The following ALDH1L1 variants were observed in gnomAD, a reference collection of about 807,000 sequenced individuals.
ALDH1L1 encodes the protein aldehyde dehydrogenase 1 family member L1.
ALDH1L1 carries 68 observed loss-of-function variants against 101.1 expected under a neutral mutation model. The ratio of observed to expected loss-of-function variants is 0.67; its 90% confidence interval spans 0.55 to 0.82. The LOEUF is 0.82. Ranked by LOEUF, ALDH1L1 falls within the 40% of genes least tolerant of loss-of-function variation. ALDH1L1 has a pLI of 0.00. For missense variants in ALDH1L1, 1,087 were observed against 1,172.7 expected (o/e 0.93, Z 1.07); for synonymous variants, 486 against 470.8 (o/e 1.03, Z -0.42).
rs1559917506 is a variant in ALDH1L1, at chr3:126,112,831, C to G, written c.2132G>C (p.Gly711Ala). ...FNKGENCIAA[G>A]RLFVEDSIHD... is the part of the protein sequence containing the mutation. ...AATGGAGTCCTCCACAAAGAGTCGGCCTGCTGCAATGCAATTCTCTCCTTT... is the reference window on the plus strand; with the variant it reads ...AATGGAGTCCTCCACAAAGAGTCGGGCTGCTGCAATGCAATTCTCTCCTTT... The change falls in exon 19 of 23, where the codon GGC (glycine) becomes GCC (alanine). Residue 711 changes from glycine to alanine, a missense_variant. Around this residue, in one of 2 missense-constraint regions of ALDH1L1, gnomAD observed 442 missense variants for 535.7 expected, o/e 0.83. Coordinates refer to ENST00000393434, the MANE Select transcript of ALDH1L1 (RefSeq NM_012190.4). 2 of 1,613,652 alleles carry G rather than the reference C, an allele frequency of 1.2e-6. No homozygotes were observed. The highest frequency in any genetic ancestry group is 2.2e-5 in the East Asian group (1 of 44,880).
chr3:126,184,724 G>A (rs558037075), upstream of ALDH1L1, among the ~76,000 whole-genome samples: 1 of 152,328 alleles, frequency 6.6e-6, no homozygotes, highest in Non-Finnish European at 1.5e-5. Flanking sequence ...GATAGACATG[G>A]GTTCTCTTTC....
chr3:126,160,280 G>A (rs965449045), intron 2 of ALDH1L1: 1 of 152,716 alleles, frequency 6.5e-6, no homozygotes, highest in African/African-American at 2.4e-5. Context: ...TTTACAAAAT[G>A]CCAGGGGAGA....
At chr3:126,125,772 A>T in intron 14 of ALDH1L1, 51 bp from the exon 15 acceptor site, 1 of 1,325,170 alleles carries the variant, frequency 7.5e-7, no homozygotes, top group Non-Finnish European at 1.0e-6. Flanking sequence ...CCAGGCCCAC[A>T]GTGGACCTGC....
chr3:126,137,003 T>A (rs544817902), intron 10 of ALDH1L1, 120 bp from the exon 11 acceptor site: 6 of 1,403,990 alleles, frequency 4.3e-6, no homozygotes, highest in African/African-American at 2.9e-5. Flanking sequence ...CAGAGCTGCA[T>A]GTAGGCAACA....
chr3:126,154,022 C>T (rs1409877281), intron 6 of ALDH1L1, among the ~76,000 whole-genome samples: 8 of 152,308 alleles, frequency 5.3e-5, no homozygotes, highest in East Asian at 1.9e-4. Flanking sequence ...TCTGGGCAGT[C>T]GGCTGGGGGT....
intron 6 of ALDH1L1, among the ~76,000 whole-genome samples, chr3:126,154,243 T>C (rs1016281477): frequency 1.1e-4 from 16 of 152,174 alleles, no homozygotes; most frequent in African/African-American, 3.9e-4. Flanking sequence ...GAGTGAGTAC[T>C]GGGCCTGGGG....
intron 16 of ALDH1L1, among the ~76,000 whole-genome samples, chr3:126,122,594 A>G (rs566936428): frequency 6.6e-6 from 1 of 152,308 alleles, no homozygotes; most frequent in East Asian, 1.9e-4. Context: ...TGTAAAATTA[A>G]GTAATATATA....
chr3:126,170,609 A>C (rs191736973), intron 1 of ALDH1L1, among the ~76,000 whole-genome samples: 55 of 152,222 alleles, frequency 3.6e-4, no homozygotes, highest in Middle Eastern at 3.4e-3. Context: ...TTGATCCTAC[A>C]GTCAATCTAA....
intron 1 of ALDH1L1, among the ~76,000 whole-genome samples, chr3:126,173,388 T>G (rs1433943253): frequency 1.3e-5 from 2 of 152,136 alleles, no homozygotes; most frequent in Non-Finnish European, 2.9e-5. Flanking sequence ...AAAGCAGACT[T>G]AAATTAGATT....
At position 126,191,114 on chromosome 3, in the gene ALDH1L1, G is replaced by A. The variant is rs113504382; in HGVS notation, c.-24+6621C>T. Reference sequence around the variant, plus strand: ...AGCAGCATGCTAGACCACTGATTGAGATACCACACTCACACTGTAATCAGC... The same window carrying A: ...AGCAGCATGCTAGACCACTGATTGAAATACCACACTCACACTGTAATCAGC... On this transcript the variant is annotated intron_variant, in intron 1 of 2. Transcript: ENST00000509952. Among the ~76,000 whole-genome samples, 564 of 152,328 alleles carry A rather than the reference G, an allele frequency of 3.7e-3. 2 individuals carry two copies. The highest frequency in any genetic ancestry group is 0.012 in the African/African-American group (519 of 41,574).
chr3:126,141,327 CAAGAGAAT>C (rs2080563586), intron 9 of ALDH1L1, among the ~76,000 whole-genome samples: 1 of 151,976 alleles, frequency 6.6e-6, no homozygotes, highest in Admixed American at 6.5e-5. Context: ...GGATAGAACT[CAAGAGAAT>C]AAGATACTTG....
chr3:126,131,452 G>A lies in ALDH1L1; in HGVS notation c.1555C>T (p.Leu519=), dbSNP rs1164757367. Residue 519 remains leucine, a synonymous_variant, in exon 13 of 23, where the codon CTG becomes TTG. Transcript: ENST00000393434. ...LDAGAVYTLA[L]KTHVGMSIQT... The stretch of plus-strand genomic sequence containing the variant: ...ATGGACATGCCCACGTGGGTCTTCA[G>A]GGCCAGCGTGTAGACGGCACCCGCA... 3.1e-6 allele frequency: 5 copies of A among 1,613,546 alleles called. No homozygotes were observed. The highest frequency in any genetic ancestry group is 4.2e-6 in the Non-Finnish European group (5 of 1,179,510).
Position 126,178,939 on chromosome 3 carries a change from G to GAAA in ALDH1L1, c.-24+1534_-24+1536dup, listed in dbSNP as rs72451047. 2.5e-3 allele frequency among the ~76,000 whole-genome samples: 366 copies of GAAA among 147,388 alleles called. 1 individual carries two copies. The highest frequency in any genetic ancestry group is 7.0e-3 in the African/African-American group (284 of 40,514). ...TTTTATATTGTACATGATTACTTCT[G>GAAA]AAAAAAAAAAATAAAAGAGTATGTC... is the stretch of plus-strand genomic sequence containing the variant. On this transcript the variant is annotated intron_variant, in intron 1 of 22. Coordinates refer to ENST00000393434, the MANE Select transcript of ALDH1L1 (RefSeq NM_012190.4).
chr3:126,177,110 TG>T (rs533439035), intron 1 of ALDH1L1, among the ~76,000 whole-genome samples: 47 of 152,300 alleles, frequency 3.1e-4, no homozygotes, highest in Non-Finnish European at 5.7e-4. Flanking sequence ...CTGGTAGAAA[TG>T]AAAAATTATG....
At chr3:126,126,234 G>T (rs1476714011) in intron 14 of ALDH1L1, among the ~76,000 whole-genome samples, 1 of 152,150 alleles carries the variant, frequency 6.6e-6, no homozygotes, top group Non-Finnish European at 1.5e-5. Flanking sequence ...GCCACCCTGG[G>T]TTCTAGAGCG....
intron 17 of ALDH1L1, among the ~76,000 whole-genome samples, chr3:126,115,957 C>T (rs979417711): frequency 6.6e-6 from 1 of 151,774 alleles, no homozygotes; most frequent in Non-Finnish European, 1.5e-5. Flanking sequence ...ACTGTAACCT[C>T]CGCCTTCCGG....
chr3:126,149,938 G>A (rs952526156), intron 8 of ALDH1L1, among the ~76,000 whole-genome samples: 2 of 152,194 alleles, frequency 1.3e-5, no homozygotes, highest in Admixed American at 1.3e-4. Flanking sequence ...TGAGAAGACT[G>A]AGTCTTAGAG....
intron 1 of ALDH1L1, among the ~76,000 whole-genome samples, chr3:126,176,508 A>G (rs375851388): frequency 1.8e-4 from 27 of 152,320 alleles, no homozygotes; most frequent in African/African-American, 6.5e-4. Flanking sequence ...CAGAATAGAG[A>G]GCCCAGAAGT....
intron 7 of ALDH1L1, chr3:126,150,748 C>A: frequency 2.4e-6 from 1 of 421,668 alleles, no homozygotes; most frequent in South Asian, 2.1e-5. Flanking sequence ...TTAGTAGAGA[C>A]GGGGTTTCAC....
Sources: allele counts gnomAD v4.1 joint callset (sites outside exome capture counted in the v4.1 genomes callset), GRCh38; gene constraint gnomAD v4.1.1; regional missense constraint gnomAD v4.1.1; transcripts MANE v1.5; gene names NCBI Gene and HGNC (gene_info 2026-07-23, HGNC 2026-07-21).